Variants in MYO10 observed in about 807,000 individuals in gnomAD.
The protein encoded by MYO10 is unconventional myosin-X.
MYO10 carries 133 observed loss-of-function variants against 257.3 expected under a neutral mutation model. That is an observed-to-expected ratio of 0.52 (90% CI 0.45 to 0.60). MYO10 has a LOEUF of 0.60. MYO10 is among the 20% of genes least tolerant of loss of function. The pLI is 0.00. For missense variants in MYO10, 2,399 were observed against 2,635.7 expected (o/e 0.91, Z 1.97); for synonymous variants, 1,104 against 1,028.6 (o/e 1.07, Z -1.40).
chr5:16,672,780 T>G lies in MYO10; in HGVS notation c.5218A>C (p.Asn1740His). 6.2e-7 allele frequency: 1 copy of G among 1,613,872 alleles called. No individual in the cohort carries two copies. The highest frequency in any genetic ancestry group is 1.1e-5 in the South Asian group (1 of 91,068). ...IRGLAMEDSRNMFALFEYNGH... is the reference protein window; with the variant it reads ...IRGLAMEDSRHMFALFEYNGH... ...TTGTATTCAAACAAAGCAAACATGT[T>G]CCTGCTGTCCTCCATGGCCAGGCCT... The change falls in exon 37 of 41, where the codon AAC becomes CAC. Residue 1740 changes from asparagine to histidine, a missense_variant. Physicochemically the swap from Asn to His is moderately conservative, Grantham distance 68. Coordinates refer to ENST00000513610, the MANE Select transcript of MYO10 (RefSeq NM_012334.3).
At chr5:16,772,173 C>T (rs939750698) in intron 9 of MYO10, among the ~76,000 whole-genome samples, 1 of 150,162 alleles carries the variant, frequency 6.7e-6, no homozygotes, top group African/African-American at 2.5e-5. Flanking sequence ...ACTCTTGTTG[C>T]CCAGGCTGGA....
rs1244309907 is a variant in MYO10 at position 16,670,490 on chromosome 5, C to T, written c.5883+36G>A. On this transcript the variant is annotated intron_variant, in intron 39 of 40. Coordinates refer to ENST00000513610, the MANE Select transcript of MYO10 (RefSeq NM_012334.3). ...TGATCCATGTTCTCAGATGCCAGCA[C>T]CCAGCCCACCCCAACACACGGCAGC... is the stretch of plus-strand genomic sequence containing the variant. 2.6e-6 allele frequency: 4 copies of T among 1,547,052 alleles called. No homozygotes were observed. The Admixed American group carries it at 7.3e-5, about 28-fold the overall frequency.
chr5:16,818,278 T>C (rs1742687126), intron 2 of MYO10, 111 bp from the exon 3 acceptor site: 6 of 967,310 alleles, frequency 6.2e-6, no homozygotes, highest in Non-Finnish European at 8.9e-6. Flanking sequence ...AAAAAGATTC[T>C]AAATTGGACA....
At chr5:16,684,055 C>G in intron 29 of MYO10, 120 bp from the exon 30 acceptor site, 1 of 871,340 alleles carries the variant, frequency 1.1e-6, no homozygotes, top group Non-Finnish European at 1.8e-6. Flanking sequence ...TTTTTAACTT[C>G]AAAATAATAG....
chr5:16,728,111 G>T (rs1243777591), intron 19 of MYO10, among the ~76,000 whole-genome samples: 1 of 152,128 alleles, frequency 6.6e-6, no homozygotes, highest in African/African-American at 2.4e-5. Flanking sequence ...AACATAGGCC[G>T]CCCTCCGCCA....
rs149142657 is a variant in MYO10 at position 16,760,995 on chromosome 5, A to G, written c.1739+469T>C. ...ATTATTATTATTAATTTATTTATTT[A>G]TTTATTTATTTTGAGACAGAGTTTC... On this transcript the variant is annotated intron_variant, in intron 17 of 40. Coordinates refer to ENST00000513610, the MANE Select transcript of MYO10 (RefSeq NM_012334.3). Among the ~76,000 whole-genome samples, 531 of 151,278 alleles carry G rather than the reference A, an allele frequency of 3.5e-3. 2 individuals carry two copies. The highest frequency in any genetic ancestry group is 5.8e-3 in the Non-Finnish European group (391 of 67,826).
chr5:16,775,341 T>C (rs1188913844), intron 9 of MYO10, among the ~76,000 whole-genome samples: 1 of 152,208 alleles, frequency 6.6e-6, no homozygotes, highest in Non-Finnish European at 1.5e-5. Context: ...ATTTTAAAAA[T>C]ACATTAAGGC....
chr5:16,722,990 T>A (rs527966600), intron 19 of MYO10, among the ~76,000 whole-genome samples: 1 of 152,262 alleles, frequency 6.6e-6, no homozygotes, highest in African/African-American at 2.4e-5. Context: ...AAAATCCAAT[T>A]TTTAAAATAA....
chr5:16,715,244 C>G (rs1178697919), intron 19 of MYO10, among the ~76,000 whole-genome samples: 3 of 150,404 alleles, frequency 2.0e-5, no homozygotes, highest in Non-Finnish European at 4.4e-5. Flanking sequence ...TAGAAAGAAT[C>G]TTACTTAAAA....
At chr5:16,764,425 G>A in intron 11 of MYO10, 29 bp from the exon 12 acceptor site, 1 of 1,611,680 alleles carries the variant, frequency 6.2e-7, no homozygotes, top group East Asian at 2.2e-5. Context: ...CACAGACTCA[G>A]CTGACCCCGG....
chr5:16,698,569 T>C (rs995413864), intron 26 of MYO10, among the ~76,000 whole-genome samples: 3 of 151,360 alleles, frequency 2.0e-5, no homozygotes, highest in South Asian at 2.1e-4. Flanking sequence ...CTTTCCCCCA[T>C]GTCTAGCACA....
chr5:16,685,581 C>T (rs1275726057), intron 29 of MYO10, among the ~76,000 whole-genome samples, 157 bp downstream of exon 29: 2 of 152,088 alleles, frequency 1.3e-5, no homozygotes, highest in Non-Finnish European at 2.9e-5. Flanking sequence ...TGATTCTAAA[C>T]TCAAATGGTC....
rs1740714393 is a variant in MYO10, at chr5:16,761,561, TAA to T, written c.1657-17_1657-16del. On this transcript the variant is annotated splice_polypyrimidine_tract_variant and intron_variant, in intron 16 of 40. Transcript: ENST00000513610. ...TCATATTGCACCTAGTTTTAATAAA[TAA>T]GAGAGGAGAAAACTGATTGAAAGAA... The T allele has an allele frequency of 6.3e-7, 1 of 1,589,156 alleles. No individual in the cohort carries two copies. Among genetic ancestry groups the T allele is most frequent in the Non-Finnish European group, 8.6e-7 (1 of 1,158,028 alleles).
At chr5:16,752,411 T>C (rs1740402262) in intron 19 of MYO10, among the ~76,000 whole-genome samples, 2 of 152,166 alleles carry the variant, frequency 1.3e-5, no homozygotes, top group Non-Finnish European at 2.9e-5. Context: ...GCCTCCCAAG[T>C]AGCTGGGACT....
chr5:16,789,444 T>G (rs1234034717), intron 4 of MYO10, among the ~76,000 whole-genome samples: 25 of 152,170 alleles, frequency 1.6e-4, no homozygotes, highest in Admixed American at 1.6e-3. Flanking sequence ...TCCAAAGGTC[T>G]TAGCAAGCCA....
In MYO10 at chr5:16,691,888, C is replaced by T. The variant is rs550635877; in HGVS notation, c.3801-1969G>A. On this transcript the variant is annotated intron_variant, in intron 27 of 40. Transcript: ENST00000513610. Reference sequence around the variant, plus strand: ...ACAAGAAACAAATGAGAAAGAGAAACACGTTCAAACACATGCCCATATAGG... The same window carrying T: ...ACAAGAAACAAATGAGAAAGAGAAATACGTTCAAACACATGCCCATATAGG... 1.8e-4 allele frequency among the ~76,000 whole-genome samples: 27 copies of T among 152,252 alleles called. 1 individual carries two copies. The East Asian group carries it at 4.8e-3, about 27-fold the overall frequency.
Position 16,783,478 on chromosome 5 carries a change from C to CA in MYO10, c.468-10dup, listed in dbSNP as rs1560982501. 3 of 1,605,284 alleles carry CA rather than the reference C, an allele frequency of 1.9e-6. No individual in the cohort carries two copies. Among genetic ancestry groups the CA allele is most frequent in the African/African-American group, 1.3e-5 (1 of 74,578 alleles). On this transcript the variant is annotated splice_polypyrimidine_tract_variant and intron_variant, in intron 4 of 40. Transcript: ENST00000513610. The stretch of plus-strand genomic sequence containing the variant: ...CTGCCCCACTTTCACCACTGAAAGA[C>CA]AAAACGGAAAAGTTTGTGCTTCTAA...
chr5:16,892,120 T>C (rs1348963230), intron 1 of MYO10, among the ~76,000 whole-genome samples: 2 of 151,812 alleles, frequency 1.3e-5, no homozygotes, highest in Non-Finnish European at 2.9e-5. Flanking sequence ...ACAGAAACCA[T>C]GCTACCAAGA....
intron 11 of MYO10, 148 bp from the exon 12 acceptor site, chr5:16,764,544 A>G: frequency 1.3e-6 from 1 of 749,850 alleles, no homozygotes. Flanking sequence ...CTAGGAAAGG[A>G]CAGATATCTA....
Sources: allele counts gnomAD v4.1 joint callset (sites outside exome capture counted in the v4.1 genomes callset), GRCh38; gene constraint gnomAD v4.1.1; transcripts MANE v1.5; gene names NCBI Gene and HGNC (gene_info 2026-07-23, HGNC 2026-07-21).